VIPR2: variants seen among roughly 807,000 people sequenced by gnomAD.
The protein encoded by VIPR2 is vasoactive intestinal polypeptide receptor 2.
Under a neutral mutation model 58.0 loss-of-function variants are expected in VIPR2, and 48 were observed. The observed-to-expected ratio is 0.83, with a 90% confidence interval of 0.66 to 1.05. The LOEUF is 1.05. Ranked by LOEUF, VIPR2 falls within the 50% of genes least tolerant of loss-of-function variation. The pLI, the probability that VIPR2 is intolerant of heterozygous loss-of-function variation, is 0.00. For synonymous variants in VIPR2, 243 were observed against 235.2 expected, an observed-to-expected ratio of 1.03 and a Z score of -0.30; for missense variants, 534 against 558.0, an observed-to-expected ratio of 0.96 and a Z score of 0.43.
Position 159,058,595 on chromosome 7 carries a change from C to G in VIPR2, c.358-17G>C. On this transcript the variant is annotated splice_polypyrimidine_tract_variant and intron_variant, in intron 4 of 12. Coordinates refer to ENST00000262178, the MANE Select transcript of VIPR2 (RefSeq NM_003382.5). Reference sequence around the variant, plus strand: ...AAACGTGATCTACAAAGAAAGAAAACAGATCTGTAAGCTGAGGGTGACCAG... The same window carrying G: ...AAACGTGATCTACAAAGAAAGAAAAGAGATCTGTAAGCTGAGGGTGACCAG... The G allele has an allele frequency of 6.4e-7, 1 of 1,569,814 alleles. No individual in the cohort carries two copies. The highest frequency in any genetic ancestry group is 8.8e-7 in the Non-Finnish European group (1 of 1,140,340).
intron 2 of VIPR2, among the ~76,000 whole-genome samples, chr7:159,134,268 A>G (rs569518119): frequency 3.9e-5 from 6 of 152,376 alleles, no homozygotes; most frequent in African/African-American, 1.2e-4. Flanking sequence ...TTCACAGTGC[A>G]TATCAGTGTC....
intron 4 of VIPR2, among the ~76,000 whole-genome samples, chr7:159,090,360 G>T (rs1277655279): frequency 6.1e-5 from 4 of 65,870 alleles, no homozygotes. Context: ...ACGCACAGGG[G>T]CCACCTCTTG....
At chr7:159,046,643 G>A (rs904866504) in intron 5 of VIPR2, among the ~76,000 whole-genome samples, 1 of 152,138 alleles carries the variant, frequency 6.6e-6, no homozygotes, top group Non-Finnish European at 1.5e-5. Context: ...TTAGTGCCAA[G>A]GAATTGTGTA....
In VIPR2 at chr7:159,099,779, C is replaced by T. The variant is rs1421753903; in HGVS notation, c.357+3978G>A. On this transcript the variant is annotated intron_variant, in intron 4 of 12. Coordinates refer to ENST00000262178, the MANE Select transcript of VIPR2 (RefSeq NM_003382.5). This position sits in a 1 kb window ranked among gnomAD's most constrained non-coding sequence, Gnocchi z 4.2. Reference sequence around the variant, plus strand: ...CCTGGACCTTGAAATCCCCCCCAGGCCACAGAAGCCCCTGAGACCCCTGGC... The same window carrying T: ...CCTGGACCTTGAAATCCCCCCCAGGTCACAGAAGCCCCTGAGACCCCTGGC... Among the ~76,000 whole-genome samples the T allele has an allele frequency of 6.6e-6, 1 of 152,094 alleles. No individual in the cohort carries two copies. The highest frequency in any genetic ancestry group is 1.5e-5 in the Non-Finnish European group (1 of 68,014).
chr7:159,102,891 G>A (rs568022963), intron 4 of VIPR2, among the ~76,000 whole-genome samples: 1 of 152,204 alleles, frequency 6.6e-6, no homozygotes, highest in Admixed American at 6.5e-5. Context: ...CCTGTGCAGG[G>A]AGCACACTCT....
intron 5 of VIPR2, among the ~76,000 whole-genome samples, chr7:159,056,982 T>C (rs1563279677): frequency 6.6e-6 from 1 of 152,290 alleles, no homozygotes; most frequent in East Asian, 1.9e-4. Flanking sequence ...TGACGAATGA[T>C]GCCTACAGAT....
intron 4 of VIPR2, among the ~76,000 whole-genome samples, chr7:159,082,358 C>T (rs554466176): frequency 1.8e-3 from 272 of 152,178 alleles, no homozygotes; most frequent in Non-Finnish European, 2.7e-3. Flanking sequence ...AGCAAACTAT[C>T]GCAAGGAGAA....
chr7:159,082,175 C>T (rs1250210653), intron 4 of VIPR2, among the ~76,000 whole-genome samples: 7 of 152,280 alleles, frequency 4.6e-5, no homozygotes, highest in Non-Finnish European at 2.9e-5. Context: ...CGTATGTTTA[C>T]TGTGGCACTA....
chr7:159,067,040 C>A, intron 4 of VIPR2, among the ~76,000 whole-genome samples: 1 of 152,164 alleles, frequency 6.6e-6, no homozygotes, highest in East Asian at 1.9e-4. Context: ...ATTAAACTTA[C>A]GTAAAATTGA....
chr7:159,064,865 G>A (rs990173166), intron 4 of VIPR2, among the ~76,000 whole-genome samples: 4 of 152,206 alleles, frequency 2.6e-5, no homozygotes, highest in Non-Finnish European at 4.4e-5. Flanking sequence ...TTCCATGCCT[G>A]GCAAGACAGG....
chr7:159,098,283 T>C lies in VIPR2; in HGVS notation c.357+5474A>G, dbSNP rs1282171419. Among the ~76,000 whole-genome samples the C allele has an allele frequency of 1.3e-5, 2 of 152,112 alleles. No individual in the cohort carries two copies. The highest frequency in any genetic ancestry group is 2.9e-5 in the Non-Finnish European group (2 of 68,000). On this transcript the variant is annotated intron_variant, in intron 4 of 12. Coordinates refer to ENST00000262178, the MANE Select transcript of VIPR2 (RefSeq NM_003382.5). This position sits in a 1 kb window ranked among gnomAD's most constrained non-coding sequence, Gnocchi z 5.2. ...TGGTGATCCCGAGCCCTCAGTCTGC[T>C]GGTGGTGGTGCTCGAGAACTGTGGC...
intron 3 of VIPR2, among the ~76,000 whole-genome samples, chr7:159,107,848 G>T (rs1031714184): frequency 2.0e-5 from 3 of 152,240 alleles, no homozygotes; most frequent in Non-Finnish European, 2.9e-5. Context: ...GCGCCAGTGT[G>T]CTGGTCACTG....
At position 159,099,052 on chromosome 7, in the gene VIPR2, G is replaced by C. The variant is rs1027349945; in HGVS notation, c.357+4705C>G. On this transcript the variant is annotated intron_variant, in intron 4 of 12. Transcript: ENST00000262178. This position sits in a 1 kb window ranked among gnomAD's most constrained non-coding sequence, Gnocchi z 4.2. ...TCCAGAGCCGCCTGTGCTATGTGCT[G>C]TTGCTTCGTCTTGGAAGCGAGTCCC... Among the ~76,000 whole-genome samples, 3 of 152,250 alleles carry C rather than the reference G, an allele frequency of 2.0e-5. No individual in the cohort carries two copies. Among genetic ancestry groups the C allele is most frequent in the Non-Finnish European group, 4.4e-5 (3 of 68,052 alleles).
chr7:159,053,861 C>T (rs10215842), intron 5 of VIPR2, among the ~76,000 whole-genome samples: 134,292 of 152,298 alleles, frequency 0.88, 59,727 homozygotes, highest in East Asian at 1. Context: ...TTTTTTAAAA[C>T]GGCAATTGAC....
intron 5 of VIPR2, among the ~76,000 whole-genome samples, chr7:159,049,271 A>C (rs73522276): frequency 0.055 from 8,362 of 152,290 alleles, 774 homozygotes; most frequent in African/African-American, 0.19. Flanking sequence ...AACACACCCT[A>C]AAGAGGACCT....
Position 159,097,003 on chromosome 7 carries a change from G to A in VIPR2, c.357+6754C>T. On this transcript the variant is annotated intron_variant, in intron 4 of 12. Coordinates refer to ENST00000262178, the MANE Select transcript of VIPR2 (RefSeq NM_003382.5). The surrounding 1 kb of genome is among the most constrained non-coding windows in gnomAD (Gnocchi z 5.3). The stretch of plus-strand genomic sequence containing the variant: ...AGGGGAGGCTTCCTTCAGAAAAGCT[G>A]CTGCTCTCAGAGGTGATTTGGGGCA... 1 of 1,550,560 alleles carries A rather than the reference G, an allele frequency of 6.4e-7. No individual in the cohort carries two copies. The highest frequency in any genetic ancestry group is 8.7e-7 in the Non-Finnish European group (1 of 1,146,974).
intron 2 of VIPR2, among the ~76,000 whole-genome samples, chr7:159,126,491 G>A (rs1341420673): frequency 6.6e-6 from 1 of 152,132 alleles, no homozygotes; most frequent in Admixed American, 6.5e-5. Flanking sequence ...AAGAGCCTTC[G>A]GAGGGAAATA....
Position 159,099,914 on chromosome 7 carries a change from C to T in VIPR2, c.357+3843G>A, listed in dbSNP as rs1196713673. 6.6e-6 allele frequency among the ~76,000 whole-genome samples: 1 copy of T among 152,148 alleles called. No individual in the cohort carries two copies. Among genetic ancestry groups the T allele is most frequent in the Non-Finnish European group, 1.5e-5 (1 of 68,026 alleles). ...TGTGATGACAGAGGCCGCAATGTTC[C>T]CCCTCTCCCTGGCTGAGCTGGGTGC... is the stretch of plus-strand genomic sequence containing the variant. On this transcript the variant is annotated intron_variant, in intron 4 of 12. Coordinates refer to ENST00000262178, the MANE Select transcript of VIPR2 (RefSeq NM_003382.5). This position sits in a 1 kb window ranked among gnomAD's most constrained non-coding sequence, Gnocchi z 4.2.
At chr7:159,115,522 C>T (rs531445865) in intron 2 of VIPR2, among the ~76,000 whole-genome samples, 1 of 152,382 alleles carries the variant, frequency 6.6e-6, no homozygotes, top group East Asian at 1.9e-4. Flanking sequence ...CCTCTGATCT[C>T]AGCAGCCTCT....
Sources: gnomAD v4.1 joint callset for allele counts (sites outside exome capture counted in the v4.1 genomes callset) on GRCh38, gnomAD v4.1.1 for gene constraint, Gnocchi (gnomAD v3.1) non-coding constraint, MANE v1.5 for transcripts, NCBI Gene and HGNC (gene_info 2026-07-23, HGNC 2026-07-21) for gene names.